Variants in VWA1 observed in about 807,000 individuals in gnomAD.
The protein encoded by VWA1 is von Willebrand factor A domain-containing protein 1.
VWA1 carries 12 observed loss-of-function variants against 14.9 expected under a neutral mutation model. The observed-to-expected ratio is 0.80, with a 90% CI of 0.52 to 1.30. VWA1 has a LOEUF of 1.30. Among genes scored for constraint, VWA1 ranks in the 50% most tolerant of loss-of-function variants. The pLI is 0.00. For missense variants in VWA1, 800 were observed against 649.1 expected, an observed-to-expected ratio of 1.23 and a Z score of -2.53; for synonymous variants, 368 against 310.7, an observed-to-expected ratio of 1.18 and a Z score of -1.94.
In VWA1 at chr1:1,437,530, CAGA is replaced by C. The variant is rs1369842205; in HGVS notation, c.631+49_631+51del. On this transcript the variant is annotated intron_variant, in intron 2 of 2. Transcript: ENST00000476993. ...CCCAGGGAGCCCTAGCTGGGAGCCG[CAGA>C]AGGAGAGGCTGGGTTGAGACTTTGG... 20 of 1,559,642 alleles carry C rather than the reference CAGA, an allele frequency of 1.3e-5. No homozygotes were observed. In the East Asian group the frequency reaches 3.4e-4, roughly 26 times the overall value.
At position 1,437,022 on chromosome 1, in the gene VWA1, G is replaced by A. The variant is rs762781460; in HGVS notation, c.169G>A (p.Val57Met). The A allele has an allele frequency of 6.2e-7, 1 of 1,612,468 alleles. No individual in the cohort carries two copies. The highest frequency in any genetic ancestry group is 2.2e-5 in the East Asian group (1 of 44,888). The stretch of plus-strand genomic sequence containing the variant: ...CGAGTTCTCCCGGGTTCGGGAGTTT[G>A]TGGGGCAGCTGGTGGCTCCACTGCC... Reference protein sequence around the residue: ...HYEFSRVREFVGQLVAPLPLG... With the variant: ...HYEFSRVREFMGQLVAPLPLG... The change falls in exon 2 of 3, where the codon GTG becomes ATG. Residue 57 changes from valine to methionine, a missense_variant. Coordinates refer to ENST00000476993, the MANE Select transcript of VWA1 (RefSeq NM_022834.5).
Position 1,442,235 on chromosome 1 carries a change from T to C in VWA1, c.*2448T>C, listed in dbSNP as rs1400936263. The C allele has an allele frequency of 6.6e-6, 1 of 152,222 alleles. No homozygotes were observed. Among genetic ancestry groups the C allele is most frequent in the African/African-American group, 2.4e-5 (1 of 41,408 alleles). 9.4% of individuals were successfully genotyped at this position (152,222 alleles called of 1,614,324 possible). On this transcript the variant is annotated 3_prime_UTR_variant, in exon 3 of 3. Coordinates refer to ENST00000476993, the MANE Select transcript of VWA1 (RefSeq NM_022834.5). ...CCGACTCAGTCCACCCAGGGTGCAG[T>C]GCAGAGGCTGATACCCGCCAGGACT...
rs1638637788 is a variant in VWA1 at position 1,440,128 on chromosome 1, G to GC, written c.*345dup. 1 of 170,282 alleles carries GC rather than the reference G, an allele frequency of 5.9e-6. No individual in the cohort carries two copies. Among genetic ancestry groups the GC allele is most frequent in the African/African-American group, 2.4e-5 (1 of 41,544 alleles). The allele number at this position is 170,282 out of a possible 1,614,324, so 10.5% of individuals were successfully genotyped here. A position where few individuals can be genotyped will look rare whatever the true frequency, so the allele number is the denominator to read the frequency against. On this transcript the variant is annotated 3_prime_UTR_variant, in exon 3 of 3. Coordinates refer to ENST00000476993, the MANE Select transcript of VWA1 (RefSeq NM_022834.5). Reference sequence around the variant, plus strand: ...TCAGACTCCCACGTGTGAAGACCGGGCCCCAAGTGGCAAGGGCTGGCCTGG... The same window carrying GC: ...TCAGACTCCCACGTGTGAAGACCGGGCCCCCAAGTGGCAAGGGCTGGCCTGG...
chr1:1,436,399 C>T (rs1638542712), intron 1 of VWA1, among the ~76,000 whole-genome samples: 1 of 152,160 alleles, frequency 6.6e-6, no homozygotes, highest in African/African-American at 2.4e-5. Context: ...AGGGGAGGGG[C>T]CACCATCTAG....
chr1:1,440,908 CAT>C lies in VWA1; in HGVS notation c.*1122_*1123del, dbSNP rs541623828. On this transcript the variant is annotated 3_prime_UTR_variant, in exon 3 of 3. Coordinates refer to ENST00000476993, the MANE Select transcript of VWA1 (RefSeq NM_022834.5). ...CCCAGTGTCAGGCCTCCTTGGTCCTCATGTGCACCTTTTATTCAGAGAGCTTG... is the reference window on the plus strand; with the variant it reads ...CCCAGTGTCAGGCCTCCTTGGTCCTCGTGCACCTTTTATTCAGAGAGCTTG... 3.9e-5 allele frequency: 6 copies of C among 152,448 alleles called. No individual in the cohort carries two copies. In the South Asian group the frequency reaches 6.2e-4, roughly 16 times the overall value. 9.4% of individuals were successfully genotyped at this position (152,448 alleles called of 1,614,324 possible).
chr1:1,442,176 C>A lies in VWA1; in HGVS notation c.*2389C>A. ...GGCCGCTGTGAACCGGCTGTCCCCG[C>A]GTCTCCTCCACCTCCCCTGACACAA... is the stretch of plus-strand genomic sequence containing the variant. On this transcript the variant is annotated 3_prime_UTR_variant, in exon 3 of 3. Transcript: ENST00000476993. The A allele has an allele frequency of 6.6e-6, 1 of 152,602 alleles. No individual in the cohort carries two copies. The allele number at this position is 152,602 out of a possible 1,614,324, so 9.5% of individuals were successfully genotyped here. A position where few individuals can be genotyped will look rare whatever the true frequency, so the allele number is the denominator to read the frequency against.
chr1:1,439,212 GC>G lies in VWA1; in HGVS notation c.764del (p.Ala255ValfsTer29). ...LELVPSAQPGAARRQQLPGNA... is the reference protein window; with the variant it reads ...LELVPSAQPGXARRQQLPGNA... ...GCTGGTGCCCAGCGCCCAGCCGGGG[GC>G]TGCAAGACGCCAGCAGCTGCCAGGG... On this transcript the variant is annotated frameshift_variant, in exon 3 of 3. Transcript: ENST00000476993. LOFTEE classifies it low-confidence loss of function (END_TRUNC). 6.2e-7 allele frequency: 1 copy of G among 1,606,962 alleles called. No individual in the cohort carries two copies. Among genetic ancestry groups the G allele is most frequent in the East Asian group, 2.2e-5 (1 of 44,836 alleles).
At chr1:1,438,423 G>A (rs1320466591) in intron 2 of VWA1, among the ~76,000 whole-genome samples, 1 of 152,164 alleles carries the variant, frequency 6.6e-6, no homozygotes, top group African/African-American at 2.4e-5. Context: ...TGAGGGTGGG[G>A]GATGGGAAGA....
chr1:1,442,138 A>C lies in VWA1; in HGVS notation c.*2351A>C, dbSNP rs1333919067. 1 of 152,352 alleles carries C rather than the reference A, an allele frequency of 6.6e-6. No individual in the cohort carries two copies. The highest frequency in any genetic ancestry group is 6.5e-5 in the Admixed American group (1 of 15,284). The allele number at this position is 152,352 out of a possible 1,614,324, so 9.4% of individuals were successfully genotyped here. On this transcript the variant is annotated 3_prime_UTR_variant, in exon 3 of 3. Coordinates refer to ENST00000476993, the MANE Select transcript of VWA1 (RefSeq NM_022834.5). ...AGTCTCAGAACAGCTCTGGCCCCGG[A>C]GTGCTCCGTCCAGGCCGCTGTGAAC...
At position 1,439,532 on chromosome 1, in the gene VWA1, G is replaced by T. The variant is rs1638614616; in HGVS notation, c.1083G>T (p.Ala361=). 1.5e-6 allele frequency: 2 copies of T among 1,360,364 alleles called. No homozygotes were observed. The highest frequency in any genetic ancestry group is 1.9e-6 in the Non-Finnish European group (2 of 1,060,026). 84.3% of individuals were successfully genotyped at this position (1,360,364 alleles called of 1,614,324 possible). The change falls in exon 3 of 3, where the codon GCG becomes GCT. Residue 361 remains alanine, a synonymous_variant. Coordinates refer to ENST00000476993, the MANE Select transcript of VWA1 (RefSeq NM_022834.5). ...SWAPALGSAA[A]LGYHVQFGPL... is the part of the protein sequence containing the mutation. ...CCCCAGCGCTGGGCTCAGCCGCGGC[G>T]CTCGGCTACCACGTGCAGTTCGGGC...
At position 1,439,137 on chromosome 1, in the gene VWA1, C is replaced by G; in HGVS notation, c.688C>G (p.Leu230Val). 1 of 1,601,740 alleles carries G rather than the reference C, an allele frequency of 6.2e-7. No homozygotes were observed. Among genetic ancestry groups the G allele is most frequent in the Non-Finnish European group, 8.5e-7 (1 of 1,179,364 alleles). The change falls in exon 3 of 3, where the codon CTG becomes GTG. Residue 230 changes from leucine to valine, a missense_variant. Coordinates refer to ENST00000476993, the MANE Select transcript of VWA1 (RefSeq NM_022834.5). ...ATEITSSGFR[L>V]AWPPLLTADS... ...GGAGATCACGTCCAGCGGCTTCCGC[C>G]TGGCCTGGCCACCCCTGCTGACCGC...
Position 1,437,492 on chromosome 1 carries a change from G to A in VWA1, c.631+8G>A, listed in dbSNP as rs748920278. On this transcript the variant is annotated splice_region_variant and intron_variant, in intron 2 of 2. Transcript: ENST00000476993. ...TGAGGGGCTCCATTCTCGGTATGCG[G>A]GAGGAGGCAGGGCCCAGGGAGCCCT... 23 of 1,593,354 alleles carry A rather than the reference G, an allele frequency of 1.4e-5. No individual in the cohort carries two copies. The highest frequency in any genetic ancestry group is 2.0e-5 in the Non-Finnish European group (23 of 1,167,070).
rs1638649441 is a variant in VWA1 at position 1,440,598 on chromosome 1, C to T, written c.*811C>T. On this transcript the variant is annotated 3_prime_UTR_variant, in exon 3 of 3. Transcript: ENST00000476993. Reference sequence around the variant, plus strand: ...GAGAGGTCTCACCCCGGGCTACCTCCTGTCACTACTCACTGCCCTGGGGTC... The same window carrying T: ...GAGAGGTCTCACCCCGGGCTACCTCTTGTCACTACTCACTGCCCTGGGGTC... The T allele has an allele frequency of 6.0e-6, 1 of 166,868 alleles. No individual in the cohort carries two copies. The highest frequency in any genetic ancestry group is 1.5e-5 in the Non-Finnish European group (1 of 68,108). 10.3% of individuals were successfully genotyped at this position (166,868 alleles called of 1,614,324 possible).
rs1486827108 is a variant in VWA1 at position 1,439,680 on chromosome 1, C to A, written c.1231C>A (p.Arg411Ser). The A allele has an allele frequency of 7.8e-7, 1 of 1,288,714 alleles. No individual in the cohort carries two copies. The allele number at this position is 1,288,714 out of a possible 1,614,324, so 79.8% of individuals were successfully genotyped here. A position where few individuals can be genotyped will look rare whatever the true frequency, so the allele number is the denominator to read the frequency against. ...CGTGACCGCCGCCTTCCGCTCGGGC[C>A]GCGAGAGCGCGCTGTCCGCCAAGGC... ...VTVTAAFRSGRESALSAKACT... is the reference protein window; with the variant it reads ...VTVTAAFRSGSESALSAKACT... The change falls in exon 3 of 3, where the codon CGC becomes AGC. Residue 411 changes from arginine (R) to serine (S), a missense_variant. Coordinates refer to ENST00000476993, the MANE Select transcript of VWA1 (RefSeq NM_022834.5).
At position 1,440,278 on chromosome 1, in the gene VWA1, A is replaced by C. The variant is rs1009685042; in HGVS notation, c.*491A>C. ...GGCGAGTAGGGGCACCTGGACGCTG[A>C]TGGTGGCCAGGATGCTCAGCTGGCC... On this transcript the variant is annotated 3_prime_UTR_variant, in exon 3 of 3. Transcript: ENST00000476993. 2 of 166,964 alleles carry C rather than the reference A, an allele frequency of 1.2e-5. No homozygotes were observed. Among genetic ancestry groups the C allele is most frequent in the African/African-American group, 2.4e-5 (1 of 41,470 alleles). 10.3% of individuals were successfully genotyped at this position (166,964 alleles called of 1,614,324 possible).
rs150311038 is a variant in VWA1 at position 1,437,339 on chromosome 1, C to T, written c.486C>T (p.Gly162=). The change falls in exon 2 of 3, where the codon GGC becomes GGT. Residue 162 remains glycine, a synonymous_variant. Coordinates refer to ENST00000476993, the MANE Select transcript of VWA1 (RefSeq NM_022834.5). ...GPPMQELKDL[G]VTVFIVSTGR... ...CCATGCAGGAGCTCAAGGACCTGGG[C>T]GTCACCGTGTTCATTGTCAGCACCG... 6.2e-6 allele frequency: 10 copies of T among 1,612,438 alleles called. No homozygotes were observed. In the African/African-American group the frequency reaches 8.0e-5, roughly 13 times the overall value.
In VWA1 at chr1:1,439,230, C is replaced by G; in HGVS notation, c.781C>G (p.Leu261Val). 1 of 1,607,504 alleles carries G rather than the reference C, an allele frequency of 6.2e-7. No individual in the cohort carries two copies. Among genetic ancestry groups the G allele is most frequent in the Non-Finnish European group, 8.5e-7 (1 of 1,179,034 alleles). ...AQPGAARRQQ[L>V]PGNATDWIWA... ...GCCGGGGGCTGCAAGACGCCAGCAG[C>G]TGCCAGGGAACGCCACGGACTGGAT... is the stretch of plus-strand genomic sequence containing the variant. Residue 261 changes from leucine to valine, a missense_variant, in exon 3 of 3, where the codon CTG becomes GTG. Physicochemically the swap from Leu to Val is conservative, Grantham distance 32 (BLOSUM62 1). Transcript: ENST00000476993.
At chr1:1,437,578 A>G in intron 2 of VWA1, 94 bp downstream of exon 2, 2 of 1,469,284 alleles carry the variant, frequency 1.4e-6, no homozygotes, top group East Asian at 2.3e-5. Flanking sequence ...ATGTCCCCAG[A>G]GCAGCGGCCA....
chr1:1,439,976 TGGGGCCTCGCCTGGC>T lies in VWA1; in HGVS notation c.*193_*207del. On this transcript the variant is annotated 3_prime_UTR_variant, in exon 3 of 3. Transcript: ENST00000476993. ...CCGCCTGGCGCCTGCCCTCCAGGGC[TGGGGCCTCGCCTGGC>T]GGGACCCCGCAGCAGCCCCGGCCCC... The T allele has an allele frequency of 1.5e-6, 1 of 660,466 alleles. No homozygotes were observed. The highest frequency in any genetic ancestry group is 1.9e-6 in the Non-Finnish European group (1 of 518,760). The allele number at this position is 660,466 out of a possible 1,614,324, so 40.9% of individuals were successfully genotyped here. A position where few individuals can be genotyped will look rare whatever the true frequency, so the allele number is the denominator to read the frequency against.
Sources: allele counts gnomAD v4.1 joint callset (sites outside exome capture counted in the v4.1 genomes callset), GRCh38; gene constraint gnomAD v4.1.1; transcripts MANE v1.5; gene names NCBI Gene and HGNC (gene_info 2026-07-23, HGNC 2026-07-21).